Variants in PLPPR1 observed in about 807,000 individuals in gnomAD.
The protein encoded by PLPPR1 is phospholipid phosphatase-related protein type 1.
PLPPR1 carries 10 observed loss-of-function variants against 33.1 expected under a neutral mutation model. That is an observed-to-expected ratio of 0.30 (90% CI 0.19 to 0.51). The LOEUF is 0.51. Among genes scored for constraint, PLPPR1 ranks in the 20% least tolerant of loss-of-function variants. The probability of loss-of-function intolerance (pLI) is 0.97; values close to 1 mark genes in which losing one functional copy is unlikely to be tolerated. For synonymous variants in PLPPR1, 151 were observed against 151.0 expected (o/e 1.00, Z 0.00); for missense variants, 304 against 408.1 (o/e 0.74, Z 2.20).
intron 1 of PLPPR1, among the ~76,000 whole-genome samples, chr9:101,076,853 A>C (rs559881144): frequency 8.5e-4 from 129 of 152,326 alleles, no homozygotes; most frequent in South Asian, 8.3e-4. Context: ...TCAAGGGATG[A>C]TTCAAGAATG....
chr9:101,311,992 G>A (rs943990231), intron 5 of PLPPR1, among the ~76,000 whole-genome samples: 29 of 152,164 alleles, frequency 1.9e-4, no homozygotes, highest in African/African-American at 6.5e-4. Flanking sequence ...CCTGTAAAAC[G>A]TCAGAGTCTT....
intron 2 of PLPPR1, among the ~76,000 whole-genome samples, chr9:101,250,864 A>G (rs1827702524): frequency 6.6e-6 from 1 of 152,050 alleles, no homozygotes. Context: ...CTGACACCAC[A>G]GCACCTCCCC....
At position 101,199,986 on chromosome 9, in the gene PLPPR1, G is replaced by A. The variant is rs539479878; in HGVS notation, c.63+14429G>A. Among the ~76,000 whole-genome samples the A allele has an allele frequency of 1.8e-4, 28 of 152,330 alleles. No individual in the cohort carries two copies. In the South Asian group the frequency reaches 5.2e-3, roughly 28 times the overall value. On this transcript the variant is annotated intron_variant, in intron 2 of 7. Transcript: ENST00000374874. ...CTGTGGGAAGGTACACCAGTAGAGTGTGGGAGATGCTCATTTTCTCATGAT... is the reference window on the plus strand; with the variant it reads ...CTGTGGGAAGGTACACCAGTAGAGTATGGGAGATGCTCATTTTCTCATGAT...
intron 3 of PLPPR1, among the ~76,000 whole-genome samples, chr9:101,272,499 G>A (rs1588105815): frequency 6.6e-6 from 1 of 152,038 alleles, no homozygotes; most frequent in Admixed American, 6.6e-5. Context: ...AAAACAAACT[G>A]GTAGATTTGC....
chr9:101,142,438 G>C (rs1345423814), intron 1 of PLPPR1, among the ~76,000 whole-genome samples: 1 of 152,142 alleles, frequency 6.6e-6, no homozygotes, highest in Non-Finnish European at 1.5e-5. Context: ...CTTTTGTTTG[G>C]ACTTGGTTTT....
In PLPPR1 at chr9:101,056,631, G is replaced by C. The variant is rs559919649; in HGVS notation, c.-46+27529G>C. Among the ~76,000 whole-genome samples, 55 of 152,266 alleles carry C rather than the reference G, an allele frequency of 3.6e-4. 1 individual carries two copies. In the South Asian group the frequency reaches 0.011, roughly 32 times the overall value. ...TGAAAATGCAAGACAAACAAGATGA[G>C]AGTGAAATCATCACAGAATATAGCC... On this transcript the variant is annotated intron_variant, in intron 1 of 7. Transcript: ENST00000374874.
At position 101,127,407 on chromosome 9, in the gene PLPPR1, G is replaced by A. The variant is rs575809572; in HGVS notation, c.-45-58043G>A. ...CATTGTGATTGCAGAGGCTGTGAAGGCCCTGAGCTCTGGGAGCCCATGCTA... is the reference window on the plus strand; with the variant it reads ...CATTGTGATTGCAGAGGCTGTGAAGACCCTGAGCTCTGGGAGCCCATGCTA... On this transcript the variant is annotated intron_variant, in intron 1 of 7. Coordinates refer to ENST00000374874, the MANE Select transcript of PLPPR1 (RefSeq NM_207299.2). Among the ~76,000 whole-genome samples, 336 of 152,338 alleles carry A rather than the reference G, an allele frequency of 2.2e-3. 1 individual carries two copies. The highest frequency in any genetic ancestry group is 3.5e-3 in the Non-Finnish European group (241 of 68,034).
chr9:101,152,056 C>T (rs920379834), intron 1 of PLPPR1, among the ~76,000 whole-genome samples: 27 of 152,176 alleles, frequency 1.8e-4, no homozygotes, highest in African/African-American at 4.1e-4. Context: ...CTCTCCAGCA[C>T]CTGTTGTTTC....
intron 1 of PLPPR1, among the ~76,000 whole-genome samples, chr9:101,167,057 A>C (rs1437096415): frequency 6.8e-6 from 1 of 147,822 alleles, no homozygotes. Context: ...AAAAAAAAAA[A>C]AAAAACACTG....
chr9:101,132,158 C>A (rs1371567628), intron 1 of PLPPR1, among the ~76,000 whole-genome samples: 1 of 152,102 alleles, frequency 6.6e-6, no homozygotes, highest in African/African-American at 2.4e-5. Flanking sequence ...GGGCACTGTG[C>A]CTTCTCAGTG....
At chr9:101,300,333 C>T (rs140003453) in intron 4 of PLPPR1, among the ~76,000 whole-genome samples, 239 of 152,138 alleles carry the variant, frequency 1.6e-3, no homozygotes, top group African/African-American at 5.5e-3. Flanking sequence ...ACCACCACAC[C>T]CAGCTAATTT....
chr9:101,310,814 T>C (rs548511271), intron 5 of PLPPR1, among the ~76,000 whole-genome samples: 1 of 152,164 alleles, frequency 6.6e-6, no homozygotes, highest in Non-Finnish European at 1.5e-5. Context: ...AACCACCAAC[T>C]ATGTGACATG....
intron 1 of PLPPR1, among the ~76,000 whole-genome samples, chr9:101,169,739 G>T (rs908945634): frequency 1.3e-5 from 2 of 152,030 alleles, no homozygotes; most frequent in East Asian, 3.9e-4. Flanking sequence ...AATCTAAAGT[G>T]ATTTTTTTCA....
At chr9:101,186,494 A>G (rs1004676896) in intron 2 of PLPPR1, among the ~76,000 whole-genome samples, 7 of 151,934 alleles carry the variant, frequency 4.6e-5, no homozygotes, top group Admixed American at 3.3e-4. Flanking sequence ...TGTGGGAGAA[A>G]TGTGTGTTGA....
At chr9:101,124,802 T>A (rs1831224579) in intron 1 of PLPPR1, among the ~76,000 whole-genome samples, 1 of 152,242 alleles carries the variant, frequency 6.6e-6, no homozygotes, top group African/African-American at 2.4e-5. Flanking sequence ...TATAGTTATC[T>A]TTCCTTTTTC....
chr9:101,062,848 T>A (rs920005859), intron 1 of PLPPR1, among the ~76,000 whole-genome samples: 2 of 152,134 alleles, frequency 1.3e-5, no homozygotes, highest in African/African-American at 4.8e-5. Context: ...TATGGTTTAC[T>A]CTGGGTCATT....
In PLPPR1 at chr9:101,041,120, G is replaced by A. The variant is rs571441767; in HGVS notation, c.-46+12018G>A. On this transcript the variant is annotated intron_variant, in intron 1 of 7. Transcript: ENST00000374874. The stretch of plus-strand genomic sequence containing the variant: ...TAGGACAGCTCTTAATGAGGCAGAG[G>A]TGTCTCAACCTGGGTTTCGAGTACA... 1.9e-4 allele frequency among the ~76,000 whole-genome samples: 29 copies of A among 152,298 alleles called. No homozygotes were observed. In the East Asian group the frequency reaches 5.2e-3, roughly 27 times the overall value.
At chr9:101,157,660 A>C (rs1175818067) in intron 1 of PLPPR1, among the ~76,000 whole-genome samples, 1 of 152,122 alleles carries the variant, frequency 6.6e-6, no homozygotes, top group Non-Finnish European at 1.5e-5. Flanking sequence ...ATAATCAGAA[A>C]TGTAAGAGGC....
intron 3 of PLPPR1, among the ~76,000 whole-genome samples, chr9:101,283,355 C>A (rs570669609): frequency 6.2e-4 from 95 of 152,242 alleles, no homozygotes; most frequent in Non-Finnish European, 1.2e-3. Flanking sequence ...AGAAATAAAT[C>A]CACACGTTTA....
Sources: gnomAD v4.1 joint callset for allele counts (sites outside exome capture counted in the v4.1 genomes callset) on GRCh38, gnomAD v4.1.1 for gene constraint, MANE v1.5 for transcripts, NCBI Gene and HGNC (gene_info 2026-07-23, HGNC 2026-07-21) for gene names.